CHL1: variants seen among roughly 807,000 people sequenced by gnomAD.
CHL1 encodes the protein neural cell adhesion molecule L1-like protein.
CHL1 carries 96 observed loss-of-function variants against 141.9 expected under a neutral mutation model. That is an observed-to-expected ratio of 0.68 (90% CI 0.57 to 0.80). The LOEUF is 0.80. CHL1 is among the 30% of genes least tolerant of loss of function. The pLI is 0.00. For synonymous variants in CHL1, 613 were observed against 502.2 expected (o/e 1.22, Z -2.95); for missense variants, 1,820 against 1,457.2 (o/e 1.25, Z -4.05).
At chr3:265,929 A>G (rs1374430820) in intron 2 of CHL1, among the ~76,000 whole-genome samples, 1 of 152,138 alleles carries the variant, frequency 6.6e-6, no homozygotes, top group African/African-American at 2.4e-5. Context: ...TAATAAACAA[A>G]CCATCCCATG....
chr3:204,514 T>G (rs181006951), intron 1 of CHL1, among the ~76,000 whole-genome samples: 24 of 152,316 alleles, frequency 1.6e-4, no homozygotes, highest in African/African-American at 5.3e-4. Context: ...TTTCCCAGAG[T>G]AATAGAATGT....
chr3:400,023 C>T (rs1013134099), intron 26 of CHL1, among the ~76,000 whole-genome samples: 8 of 152,064 alleles, frequency 5.3e-5, no homozygotes, highest in Non-Finnish European at 1.2e-4. Context: ...ATTCAACTCC[C>T]GAATTTGTTT....
At chr3:365,203 T>G (rs1010058228) in intron 14 of CHL1, among the ~76,000 whole-genome samples, 3 of 152,222 alleles carry the variant, frequency 2.0e-5, no homozygotes, top group Admixed American at 2.0e-4. Context: ...AAGAGTATAC[T>G]TACTTTTAAT....
chr3:238,817 CA>C (rs1692252282), intron 1 of CHL1, among the ~76,000 whole-genome samples: 1 of 151,660 alleles, frequency 6.6e-6, no homozygotes, highest in East Asian at 1.9e-4. Flanking sequence ...TCTGTAATCC[CA>C]GCTACTCAGG....
At chr3:339,971 C>A (rs182667755) in intron 5 of CHL1, among the ~76,000 whole-genome samples, 51 of 152,194 alleles carry the variant, frequency 3.4e-4, no homozygotes, top group Admixed American at 7.2e-4. Flanking sequence ...AATTCCCCCA[C>A]CAAAAGTTGA....
chr3:336,205 C>G (rs1032876623), intron 5 of CHL1, among the ~76,000 whole-genome samples: 1 of 151,778 alleles, frequency 6.6e-6, no homozygotes, highest in Non-Finnish European at 1.5e-5. Context: ...TACAGATGAG[C>G]AAAAAGGCAT....
intron 1 of CHL1, among the ~76,000 whole-genome samples, chr3:242,397 C>G (rs553720091): frequency 7.1e-6 from 1 of 141,392 alleles, no homozygotes; most frequent in South Asian, 2.4e-4. Flanking sequence ...GAGATCGAGA[C>G]CATCCTGGCT....
intron 5 of CHL1, among the ~76,000 whole-genome samples, chr3:330,088 T>G (rs1180114380): frequency 6.6e-6 from 1 of 152,106 alleles, no homozygotes; most frequent in African/African-American, 2.4e-5. Context: ...AATGAGTTTT[T>G]TCATACACAT....
At chr3:370,023 C>G (rs1322462623) in intron 15 of CHL1, among the ~76,000 whole-genome samples, 1 of 152,162 alleles carries the variant, frequency 6.6e-6, no homozygotes, top group African/African-American at 2.4e-5. Context: ...AGGATTTTTG[C>G]ATCAATGTTC....
intron 12 of CHL1, 76 bp downstream of exon 12, chr3:360,500 T>C: frequency 6.9e-7 from 1 of 1,444,152 alleles, no homozygotes; most frequent in Non-Finnish European, 9.5e-7. Flanking sequence ...AGAAGTGTAT[T>C]AACTCTTGAC....
At chr3:264,402 C>T (rs1256977731) in intron 2 of CHL1, among the ~76,000 whole-genome samples, 1 of 152,006 alleles carries the variant, frequency 6.6e-6, no homozygotes, top group African/African-American at 2.4e-5. Context: ...AAACATATAA[C>T]AGAATGGTAG....
intron 10 of CHL1, 131 bp downstream of exon 10, chr3:349,674 T>C (rs953770125): frequency 3.6e-5 from 26 of 730,066 alleles, no homozygotes; most frequent in Non-Finnish European, 5.3e-5. Flanking sequence ...AGTGCGGGCA[T>C]TGAATTATAT....
intron 1 of CHL1, among the ~76,000 whole-genome samples, chr3:213,019 A>G (rs979388105): frequency 6.6e-6 from 1 of 152,246 alleles, no homozygotes; most frequent in Admixed American, 6.5e-5. Flanking sequence ...CAAACAATGA[A>G]AAGTAAGAGC....
chr3:319,612 A>C, intron 2 of CHL1, 71 bp from the exon 3 acceptor site: 1 of 491,304 alleles, frequency 2.0e-6, no homozygotes, highest in East Asian at 3.5e-5. Context: ...AAAAAAAAAG[A>C]AGGTATTTAA....
At chr3:198,316 G>T (rs1172173971) in intron 1 of CHL1, among the ~76,000 whole-genome samples, 1 of 151,964 alleles carries the variant, frequency 6.6e-6, no homozygotes, top group South Asian at 2.1e-4. Context: ...CCCCAGGGCC[G>T]GCGAGCGGCT....
chr3:379,074 G>A (rs2125375198), intron 16 of CHL1, among the ~76,000 whole-genome samples: 1 of 152,164 alleles, frequency 6.6e-6, no homozygotes, highest in East Asian at 1.9e-4. Flanking sequence ...ATTAATCACT[G>A]TTATCAACAG....
At chr3:295,487 G>T (rs1258705926) in intron 2 of CHL1, among the ~76,000 whole-genome samples, 5 of 152,154 alleles carry the variant, frequency 3.3e-5, no homozygotes, top group African/African-American at 1.2e-4. Flanking sequence ...ACATTAAAAA[G>T]TAACATGAAA....
At chr3:350,800 T>C (rs1401082310) in intron 10 of CHL1, among the ~76,000 whole-genome samples, 1 of 152,194 alleles carries the variant, frequency 6.6e-6, no homozygotes, top group Non-Finnish European at 1.5e-5. Context: ...AAAGCAAAAC[T>C]TATATAGATA....
intron 5 of CHL1, among the ~76,000 whole-genome samples, chr3:335,405 G>C (rs752356216): frequency 6.6e-6 from 1 of 152,192 alleles, no homozygotes; most frequent in Admixed American, 6.5e-5. Flanking sequence ...TTATTTCTCT[G>C]TAGTCCTAAG....
Sources: gnomAD v4.1 joint callset for allele counts (sites outside exome capture counted in the v4.1 genomes callset) on GRCh38, gnomAD v4.1.1 for gene constraint, MANE v1.5 for transcripts, NCBI Gene and HGNC (gene_info 2026-07-23, HGNC 2026-07-21) for gene names.